The following POLH variants were observed in gnomAD, a reference collection of about 807,000 sequenced individuals.
The protein encoded by POLH is DNA polymerase eta transcript.
Under a neutral mutation model 73.6 loss-of-function variants are expected in POLH, and 53 were observed. The ratio of observed to expected loss-of-function variants is 0.72; its 90% confidence interval spans 0.58 to 0.91. The LOEUF (loss-of-function observed/expected upper bound fraction) is 0.91. POLH is among the 40% of genes least tolerant of loss of function. POLH has a pLI of 0.00. For synonymous variants in POLH, 292 were observed against 308.5 expected, an observed-to-expected ratio of 0.95 and a Z score of 0.56; for missense variants, 768 against 865.4, an observed-to-expected ratio of 0.89 and a Z score of 1.41.
intron 1 of POLH, among the ~76,000 whole-genome samples, chr6:43,580,915 G>C (rs1764066855): frequency 6.6e-6 from 1 of 151,210 alleles, no homozygotes; most frequent in Non-Finnish European, 1.5e-5. Context: ...CTCCCTCCCG[G>C]ACGGCACGGC....
intron 5 of POLH, among the ~76,000 whole-genome samples, chr6:43,599,606 T>C (rs1231488447): frequency 6.6e-6 from 1 of 151,232 alleles, no homozygotes; most frequent in African/African-American, 2.4e-5. Context: ...ACAAGGAAAG[T>C]TGCCAAACTA....
chr6:43,601,453 A>G (rs1766723209), intron 6 of POLH, among the ~76,000 whole-genome samples: 1 of 152,036 alleles, frequency 6.6e-6, no homozygotes, highest in Non-Finnish European at 1.5e-5. Context: ...TTTAGTAGAG[A>G]CAGGGTTTCA....
rs565970739 is a variant in POLH, at chr6:43,617,784, G to A, written c.*3227G>A. ...CTCTACTGAAAATACAACTGGGCGT[G>A]GTGGTGCACGCCTGTAGTCCCAGCT... On this transcript the variant is annotated 3_prime_UTR_variant, in exon 11 of 11. Transcript: ENST00000372236. Among the ~76,000 whole-genome samples the A allele has an allele frequency of 2.0e-5, 3 of 152,220 alleles. No homozygotes were observed. Among genetic ancestry groups the A allele is most frequent in the African/African-American group, 7.2e-5 (3 of 41,544 alleles).
intron 4 of POLH, among the ~76,000 whole-genome samples, chr6:43,594,522 C>T (rs1765833047): frequency 6.6e-6 from 1 of 152,114 alleles, no homozygotes; most frequent in Non-Finnish European, 1.5e-5. Context: ...GCCTGGCCAA[C>T]ATGGTGAAAC....
chr6:43,615,224 A>C lies in POLH; in HGVS notation c.*667A>C, dbSNP rs1454049304. 6.5e-6 allele frequency: 1 copy of C among 152,732 alleles called. No homozygotes were observed. The highest frequency in any genetic ancestry group is 1.5e-5 in the Non-Finnish European group (1 of 68,498). 9.5% of individuals were successfully genotyped at this position (152,732 alleles called of 1,614,324 possible). On this transcript the variant is annotated 3_prime_UTR_variant, in exon 11 of 11. Coordinates refer to ENST00000372236, the MANE Select transcript of POLH (RefSeq NM_006502.3). ...GGTTGCATTGAGCTGAGATCATGCT[A>C]GTGCGCTCCAGCCTGGGCAACAGAG...
chr6:43,599,441 T>G (rs1561907045), intron 5 of POLH, among the ~76,000 whole-genome samples: 1 of 152,208 alleles, frequency 6.6e-6, no homozygotes, highest in Non-Finnish European at 1.5e-5. Flanking sequence ...ACACAGACAA[T>G]TCTCAACAAT....
At position 43,576,638 on chromosome 6, in the gene POLH, C is replaced by T. The variant is rs116562795; in HGVS notation, c.-5+198C>T. Among the ~76,000 whole-genome samples, 313 of 152,240 alleles carry T rather than the reference C, an allele frequency of 2.1e-3. 2 individuals are homozygous for T. Among genetic ancestry groups the T allele is most frequent in the African/African-American group, 6.8e-3 (281 of 41,526 alleles). ...ATGTTTTTCCCTGTAGTTGTTAAAC[C>T]TCTCTCTTGGAATTACTTTCCTGGA... On this transcript the variant is annotated intron_variant, in intron 1 of 10. Transcript: ENST00000372236.
At chr6:43,585,112 T>C (rs1027418634) in intron 3 of POLH, among the ~76,000 whole-genome samples, 1 of 152,108 alleles carries the variant, frequency 6.6e-6, no homozygotes, top group African/African-American at 2.4e-5. Flanking sequence ...AGAGTCATGA[T>C]CAAACCACTG....
Position 43,616,431 on chromosome 6 carries a change from TA to T in POLH, c.*1882del, listed in dbSNP as rs538290285. On this transcript the variant is annotated 3_prime_UTR_variant, in exon 11 of 11. Transcript: ENST00000372236. ...CAAGGTGGCAAAACCCCGTCTCTAC[TA>T]AAAAAAATTAGCTGGGCTTGGTGGC... Among the ~76,000 whole-genome samples, 2 of 141,322 alleles carry T rather than the reference TA, an allele frequency of 1.4e-5. No individual in the cohort carries two copies. Among genetic ancestry groups the T allele is most frequent in the East Asian group, 4.4e-4 (2 of 4,558 alleles). 92.7% of individuals were successfully genotyped at this position (141,322 alleles called of 152,430 possible). A position where few individuals can be genotyped will look rare whatever the true frequency, so the allele number is the denominator to read the frequency against.
chr6:43,616,623 C>T lies in POLH; in HGVS notation c.*2066C>T, dbSNP rs1768368844. Among the ~76,000 whole-genome samples the T allele has an allele frequency of 6.6e-6, 1 of 151,738 alleles. No individual in the cohort carries two copies. The highest frequency in any genetic ancestry group is 2.1e-4 in the South Asian group (1 of 4,818). On this transcript the variant is annotated 3_prime_UTR_variant, in exon 11 of 11. Coordinates refer to ENST00000372236, the MANE Select transcript of POLH (RefSeq NM_006502.3). ...AAACAAAAGAAAAACTTCTCTCTAG[C>T]TCTGTGACGGGCAGTTCAGATAATA...
chr6:43,603,576 G>A (rs1766970555), intron 6 of POLH, among the ~76,000 whole-genome samples: 1 of 152,102 alleles, frequency 6.6e-6, no homozygotes, highest in Admixed American at 6.6e-5. Context: ...ATATTCTTAA[G>A]TAAAGTTTTA....
At position 43,620,397 on chromosome 6, in the gene POLH, G is replaced by A. The variant is rs1488390854; in HGVS notation, c.*5840G>A. On this transcript the variant is annotated 3_prime_UTR_variant, in exon 11 of 11. Transcript: ENST00000372236. ...CAGCTGGGCTCTTTCCACATTCAGG[G>A]CTCAGCAGTGTTGGGGTTTCACTTG... The A allele has an allele frequency of 1.3e-5, 6 of 475,212 alleles. No homozygotes were observed. Among genetic ancestry groups the A allele is most frequent in the Non-Finnish European group, 2.5e-5 (6 of 242,772 alleles). The allele number at this position is 475,212 out of a possible 1,614,324, so 29.4% of individuals were successfully genotyped here. A position where few individuals can be genotyped will look rare whatever the true frequency, so the allele number is the denominator to read the frequency against.
At chr6:43,581,092 T>C (rs1165462530) in intron 1 of POLH, among the ~76,000 whole-genome samples, 5 of 121,482 alleles carry the variant, frequency 4.1e-5, no homozygotes, top group Non-Finnish European at 8.8e-5. Context: ...TCCTCACTTC[T>C]CAGACGGGGC....
intron 1 of POLH, among the ~76,000 whole-genome samples, chr6:43,581,866 C>T (rs909440555): frequency 6.6e-6 from 1 of 150,672 alleles, no homozygotes; most frequent in Non-Finnish European, 1.5e-5. Context: ...CCCGCGGCGC[C>T]TTCGAGCCTT....
intron 2 of POLH, among the ~76,000 whole-genome samples, 165 bp downstream of exon 2, chr6:43,582,621 C>A (rs917202901): frequency 2.0e-5 from 3 of 152,064 alleles, no homozygotes; most frequent in African/African-American, 7.3e-5. Context: ...GACCTGGGCT[C>A]AAGTGATCAT....
At chr6:43,587,738 G>A (rs1235642882) in intron 4 of POLH, among the ~76,000 whole-genome samples, 2 of 152,180 alleles carry the variant, frequency 1.3e-5, no homozygotes, top group Non-Finnish European at 2.9e-5. Flanking sequence ...GTTATCAATA[G>A]AAGGCAGAGA....
At chr6:43,594,726 C>A (rs115013665) in intron 4 of POLH, among the ~76,000 whole-genome samples, 435 of 152,232 alleles carry the variant, frequency 2.9e-3, no homozygotes, top group African/African-American at 0.01. Context: ...TCTTTTAATC[C>A]TCATAACAGC....
chr6:43,590,101 G>GT (rs1469473282), intron 4 of POLH, among the ~76,000 whole-genome samples: 1 of 151,864 alleles, frequency 6.6e-6, no homozygotes, highest in African/African-American at 2.4e-5. Context: ...GCTCACACCT[G>GT]TAATCCAAGC....
rs79012307 is a variant in POLH at position 43,583,601 on chromosome 6, A to G, written c.272+460A>G. Among the ~76,000 whole-genome samples the G allele has an allele frequency of 4.9e-3, 745 of 152,334 alleles. 5 individuals are homozygous for G. Among genetic ancestry groups the G allele is most frequent in the African/African-American group, 0.016 (679 of 41,576 alleles). ...ATTAAGCTATCTCTCCGCAAATATTAGAAGTTTCACCTTGGAATGGGGGAT... is the reference window on the plus strand; with the variant it reads ...ATTAAGCTATCTCTCCGCAAATATTGGAAGTTTCACCTTGGAATGGGGGAT... On this transcript the variant is annotated intron_variant, in intron 3 of 10. Transcript: ENST00000372236.
Sources: allele counts gnomAD v4.1 joint callset (sites outside exome capture counted in the v4.1 genomes callset), GRCh38; gene constraint gnomAD v4.1.1; transcripts MANE v1.5; gene names NCBI Gene and HGNC (gene_info 2026-07-23, HGNC 2026-07-21).